SCN10A: variants seen among roughly 807,000 people sequenced by gnomAD.
SCN10A encodes sodium channel protein type 10 subunit alpha.
Under a neutral mutation model 170.7 loss-of-function variants are expected in SCN10A, and 162 were observed. The ratio of observed to expected loss-of-function variants is 0.95; its 90% CI spans 0.84 to 1.08. The LOEUF (loss-of-function observed/expected upper bound fraction) is 1.08, where lower values mean the gene tolerates loss of function less well. SCN10A is among the 50% of genes least tolerant of loss of function. The pLI is 0.00. For missense variants in SCN10A, 2,527 were observed against 2,436.9 expected, an observed-to-expected ratio of 1.04 and a Z score of -0.78; for synonymous variants, 985 against 904.6, an observed-to-expected ratio of 1.09 and a Z score of -1.59.
Position 38,718,813 on chromosome 3 carries a change from T to A in SCN10A, c.3521A>T (p.Tyr1174Phe), listed in dbSNP as rs1167279918. 2 of 1,614,032 alleles carry A rather than the reference T, an allele frequency of 1.2e-6. No homozygotes were observed. The highest frequency in any genetic ancestry group is 1.7e-6 in the Non-Finnish European group (2 of 1,180,022). Reference protein sequence around the residue: ...LSSGSLAFEDYYLDQKPTVKA... With the variant: ...LSSGSLAFEDFYLDQKPTVKA... ...CACCGTGGGCTTCTGGTCCAGGTAA[T>A]AGTCTTCAAAGGCCTGGAAGGAAGA... Residue 1174 changes from tyrosine to phenylalanine, a missense_variant, in exon 21 of 28, where the codon TAT (tyrosine) becomes TTT (phenylalanine). Coordinates refer to ENST00000449082, the MANE Select transcript of SCN10A (RefSeq NM_006514.4).
intron 18 of SCN10A, among the ~76,000 whole-genome samples, chr3:38,724,670 C>T (rs948474107): frequency 6.6e-5 from 10 of 152,200 alleles, no homozygotes; most frequent in African/African-American, 2.4e-4. Context: ...TGAGCACCTC[C>T]AACTCTTATT....
intron 11 of SCN10A, 95 bp from the exon 12 acceptor site, chr3:38,752,607 C>T (rs1013346101): frequency 1.3e-5 from 13 of 1,038,076 alleles, no homozygotes; most frequent in African/African-American, 3.3e-5. Context: ...CATTTCCCTG[C>T]CCCTGTCTTT....
intron 15 of SCN10A, among the ~76,000 whole-genome samples, chr3:38,730,555 T>G (rs2063504076): frequency 6.6e-6 from 1 of 152,192 alleles, no homozygotes; most frequent in Admixed American, 6.5e-5. Context: ...TCATTCCATT[T>G]CTTCAGATGA....
intron 4 of SCN10A, among the ~76,000 whole-genome samples, chr3:38,786,734 T>C (rs2064209125): frequency 1.3e-5 from 2 of 152,182 alleles, no homozygotes; most frequent in African/African-American, 4.8e-5. Flanking sequence ...AATGTAGTTT[T>C]TCCAGTGAGA....
At chr3:38,760,855 G>T in intron 7 of SCN10A, 108 bp from the exon 8 acceptor site, 1 of 884,122 alleles carries the variant, frequency 1.1e-6, no homozygotes, top group Non-Finnish European at 1.8e-6. Flanking sequence ...AGCTCCTTTG[G>T]CTACATGTAC....
At chr3:38,709,355 G>T in intron 25 of SCN10A, 123 bp downstream of exon 25, 1 of 992,292 alleles carries the variant, frequency 1.0e-6, no homozygotes, top group Non-Finnish European at 1.5e-6. Flanking sequence ...GGTTAGCACT[G>T]ATATTAAAGT....
chr3:38,802,396 C>T (rs11713400), intron 1 of SCN10A, among the ~76,000 whole-genome samples: 17,710 of 152,194 alleles, frequency 0.12, 1,194 homozygotes, highest in Middle Eastern at 0.2. Context: ...TCACCTTCCA[C>T]CCAGATGTCT....
chr3:38,722,474 C>T (rs1231315578), intron 19 of SCN10A, 62 bp from the exon 20 acceptor site: 2 of 1,552,652 alleles, frequency 1.3e-6, no homozygotes, highest in Non-Finnish European at 1.7e-6. Flanking sequence ...AATTTCTGCT[C>T]CTGCTGCAGA....
chr3:38,744,298 A>G lies in SCN10A; in HGVS notation c.1868-1769T>C, dbSNP rs548903231. On this transcript the variant is annotated intron_variant, in intron 13 of 27. Transcript: ENST00000449082. Reference sequence around the variant, plus strand: ...GAAGGAGACATAGTTGTCATTGCATACACACTTGCAGTGTTTAGGGTTTTT... The same window carrying G: ...GAAGGAGACATAGTTGTCATTGCATGCACACTTGCAGTGTTTAGGGTTTTT... Among the ~76,000 whole-genome samples the G allele has an allele frequency of 2.6e-5, 4 of 152,276 alleles. No homozygotes were observed. In the South Asian group the frequency reaches 8.3e-4, roughly 32 times the overall value.
intron 4 of SCN10A, among the ~76,000 whole-genome samples, chr3:38,785,748 A>T (rs2064192557): frequency 6.6e-6 from 1 of 152,158 alleles, no homozygotes; most frequent in South Asian, 2.1e-4. Context: ...CAAAGGGCTA[A>T]TATCCAGAAT....
intron 15 of SCN10A, among the ~76,000 whole-genome samples, chr3:38,739,143 A>T (rs1443233897): frequency 2.6e-5 from 4 of 152,230 alleles, no homozygotes; most frequent in African/African-American, 9.6e-5. Context: ...GGTTGTTGTG[A>T]GCATAAAATG....
At chr3:38,780,617 T>C (rs1228787286) in intron 4 of SCN10A, among the ~76,000 whole-genome samples, 3 of 152,148 alleles carry the variant, frequency 2.0e-5, no homozygotes, top group African/African-American at 7.2e-5. Flanking sequence ...AATGTGACCA[T>C]GTTATACATC....
chr3:38,773,473 G>A (rs191371907), intron 4 of SCN10A, among the ~76,000 whole-genome samples: 5 of 152,194 alleles, frequency 3.3e-5, no homozygotes, highest in African/African-American at 9.6e-5. Flanking sequence ...AGAAGATGAA[G>A]TACTCTAGCT....
Position 38,726,700 on chromosome 3 carries a change from G to A in SCN10A, c.2993C>T (p.Pro998Leu), listed in dbSNP as rs775672433. Residue 998 changes from proline (P) to leucine (L), a missense_variant, in exon 17 of 28, where the codon CCC becomes CTC. Physicochemically the swap from Pro to Leu is moderately conservative, Grantham distance 98 (BLOSUM62 -3). Coordinates refer to ENST00000449082, the MANE Select transcript of SCN10A (RefSeq NM_006514.4). Reference protein sequence around the residue: ...IANPTVWVSVPIAEGESDLDD... With the variant: ...IANPTVWVSVLIAEGESDLDD... ...AAGATCAGATTCACCCTCAGCAATG[G>A]GCACAGAGACCCACACAGTCGGATT... 4 of 1,612,242 alleles carry A rather than the reference G, an allele frequency of 2.5e-6. No individual in the cohort carries two copies. Among genetic ancestry groups the A allele is most frequent in the Middle Eastern group, 3.3e-4 (2 of 6,058 alleles).
Position 38,726,845 on chromosome 3 carries a change from T to C in SCN10A, c.2848A>G (p.Lys950Glu), listed in dbSNP as rs970660714. The change falls in exon 17 of 28, where the codon AAA (lysine) becomes GAA (glutamate). Residue 950 changes from lysine (K) to glutamate (E), a missense_variant. By Grantham distance (56) the Lys-to-Glu change is moderately conservative. Coordinates refer to ENST00000449082, the MANE Select transcript of SCN10A (RefSeq NM_006514.4). ...QPKAEPELVV[K>E]LPLSSSKAEN... ...GCCTTGGAGCTGGAGAGTGGGAGTT[T>C]CACCACCAGCTCAGGCTCTGCCTTG... 3.7e-6 allele frequency: 6 copies of C among 1,614,036 alleles called. No individual in the cohort carries two copies. Among genetic ancestry groups the C allele is most frequent in the Non-Finnish European group, 4.2e-6 (5 of 1,179,886 alleles).
At chr3:38,749,814 A>T (rs1387628147) in intron 13 of SCN10A, among the ~76,000 whole-genome samples, 2 of 152,230 alleles carry the variant, frequency 1.3e-5, no homozygotes, top group Admixed American at 6.5e-5. Context: ...TTTGTGATGC[A>T]TGCAAAGCAG....
At position 38,761,175 on chromosome 3, in the gene SCN10A, G is replaced by T; in HGVS notation, c.883+17C>A. 1 of 1,596,862 alleles carries T rather than the reference G, an allele frequency of 6.3e-7. No homozygotes were observed. Among genetic ancestry groups the T allele is most frequent in the South Asian group, 1.1e-5 (1 of 87,334 alleles). On this transcript the variant is annotated intron_variant, in intron 7 of 27. Transcript: ENST00000449082. ...GTCCAACCAGACCTTGGTCCCTATG[G>T]AAGAGACTCCACTCACGTTTTCTGT...
chr3:38,807,089 AGT>A (rs2064409319), intron 1 of SCN10A, among the ~76,000 whole-genome samples: 1 of 152,198 alleles, frequency 6.6e-6, no homozygotes, highest in Admixed American at 6.5e-5. Flanking sequence ...CCTGGAAAAC[AGT>A]GTGAGTTCTT....
chr3:38,699,861 G>T (rs185754710), intron 27 of SCN10A, among the ~76,000 whole-genome samples: 465 of 152,254 alleles, frequency 3.1e-3, no homozygotes, highest in Non-Finnish European at 5.6e-3. Flanking sequence ...AAGAAAGGGA[G>T]GTAAGGAGAG....
Sources: gnomAD v4.1 joint callset for allele counts (sites outside exome capture counted in the v4.1 genomes callset) on GRCh38, gnomAD v4.1.1 for gene constraint, MANE v1.5 for transcripts, NCBI Gene and HGNC (gene_info 2026-07-23, HGNC 2026-07-21) for gene names.